The following XKR4 variants were observed in gnomAD, a reference collection of about 807,000 sequenced individuals.
The protein encoded by XKR4 is XK related 4, also known as XK-related protein 4.
A neutral mutation model predicts 53.9 loss-of-function variants in XKR4; 12 were observed. The ratio of observed to expected loss-of-function variants is 0.22; its 90% CI spans 0.14 to 0.36. XKR4 has a LOEUF of 0.36. Among genes scored for constraint, XKR4 ranks in the 10% least tolerant of loss-of-function variants. XKR4 has a pLI of 1.00. For missense variants in XKR4, 799 were observed against 859.5 expected, an observed-to-expected ratio of 0.93 and a Z score of 0.88; for synonymous variants, 354 against 362.4, an observed-to-expected ratio of 0.98 and a Z score of 0.26.
intron 1 of XKR4, among the ~76,000 whole-genome samples, chr8:55,297,500 T>C (rs1819117940): frequency 6.6e-6 from 1 of 152,162 alleles, no homozygotes; most frequent in Non-Finnish European, 1.5e-5. Context: ...TTTAGGATTT[T>C]TGAGATTTGG....
At chr8:55,473,194 G>T (rs1805915903) in intron 2 of XKR4, among the ~76,000 whole-genome samples, 2 of 151,962 alleles carry the variant, frequency 1.3e-5, no homozygotes, top group African/African-American at 4.8e-5. Context: ...GACCTTCTCT[G>T]CAAAAAATAC....
At chr8:55,454,401 A>G (rs1005312356) in intron 2 of XKR4, 3 of 1,383,372 alleles carry the variant, frequency 2.2e-6, no homozygotes, top group Non-Finnish European at 3.1e-6. Context: ...GGAAACAGCA[A>G]TGCCAGGAGG....
chr8:55,127,788 T>A (rs766394405), intron 1 of XKR4, among the ~76,000 whole-genome samples: 4 of 140,408 alleles, frequency 2.8e-5, no homozygotes, highest in Admixed American at 7.3e-5. Flanking sequence ...TGTCCATGTG[T>A]TCTCATTGTT....
At chr8:55,376,978 A>C (rs1291086180) in intron 2 of XKR4, among the ~76,000 whole-genome samples, 1 of 150,240 alleles carries the variant, frequency 6.7e-6, no homozygotes, top group Non-Finnish European at 1.5e-5. Context: ...ACACACACAG[A>C]GAGAGAGAGA....
Position 55,322,634 on chromosome 8 carries a change from C to T in XKR4, c.807-35044C>T, listed in dbSNP as rs79596297. 5.8e-3 allele frequency among the ~76,000 whole-genome samples: 891 copies of T among 152,320 alleles called. 11 individuals are homozygous for T. The highest frequency in any genetic ancestry group is 0.02 in the African/African-American group (847 of 41,568). ...TCTCTTGCTCTATAATCTTACCAAA[C>T]ATGATATGGCCAGATATTTGTTTAA... On this transcript the variant is annotated intron_variant, in intron 1 of 2. Transcript: ENST00000327381.
In XKR4 at chr8:55,299,713, G is replaced by A. The variant is rs1819155332; in HGVS notation, c.807-57965G>A. Among the ~76,000 whole-genome samples the A allele has an allele frequency of 2.0e-5, 3 of 152,136 alleles. No homozygotes were observed. The South Asian group carries it at 6.2e-4, about 32-fold the overall frequency. The stretch of plus-strand genomic sequence containing the variant: ...ACAGAGTGAAGAACAGGAAGGGCCA[G>A]GGTGACAGCTGGAATTCTGTTGTGT... On this transcript the variant is annotated intron_variant, in intron 1 of 2. Coordinates refer to ENST00000327381, the MANE Select transcript of XKR4 (RefSeq NM_052898.2).
intron 1 of XKR4, among the ~76,000 whole-genome samples, chr8:55,311,316 C>T (rs565522555): frequency 9.2e-5 from 14 of 152,276 alleles, no homozygotes; most frequent in Admixed American, 5.2e-4. Context: ...AGGAGAGGGC[C>T]TCAGTTCAGC....
At chr8:55,241,058 T>C (rs1438817740) in intron 1 of XKR4, among the ~76,000 whole-genome samples, 2 of 152,232 alleles carry the variant, frequency 1.3e-5, no homozygotes, top group African/African-American at 2.4e-5. Context: ...CTTCAAACTT[T>C]CTGTGCTCAC....
At chr8:55,449,155 GATTT>G (rs6150588) in intron 2 of XKR4, among the ~76,000 whole-genome samples, 11 of 150,050 alleles carry the variant, frequency 7.3e-5, no homozygotes, top group South Asian at 2.1e-4. Flanking sequence ...ATTTATTCTA[GATTT>G]ATTTATTTAT....
chr8:55,102,337 G>A lies in XKR4; in HGVS notation c.-152G>A. ...CCAGCCCGGCGGGCGGCGGGCGGCG[G>A]CGGACGGCAGGCGAGCCGACGCAGG... On this transcript the variant is annotated 5_prime_UTR_variant, in exon 1 of 3. Transcript: ENST00000327381. The surrounding 1 kb of genome is among the most constrained non-coding windows in gnomAD (Gnocchi z 5.1). The A allele has an allele frequency of 9.6e-7, 1 of 1,042,036 alleles. No individual in the cohort carries two copies. The highest frequency in any genetic ancestry group is 1.2e-6 in the Non-Finnish European group (1 of 850,028). The allele number at this position is 1,042,036 out of a possible 1,614,324, so 64.5% of individuals were successfully genotyped here.
At chr8:55,227,475 C>T (rs1204049759) in intron 1 of XKR4, among the ~76,000 whole-genome samples, 2 of 152,232 alleles carry the variant, frequency 1.3e-5, no homozygotes, top group South Asian at 4.1e-4. Flanking sequence ...GGAGGAGGTG[C>T]TCATCCAGCC....
At chr8:55,221,640 T>C (rs993614189) in intron 1 of XKR4, among the ~76,000 whole-genome samples, 21 of 152,108 alleles carry the variant, frequency 1.4e-4, no homozygotes, top group African/African-American at 5.1e-4. Context: ...GCTCAGGAAG[T>C]TCCCTCTCCC....
intron 2 of XKR4, among the ~76,000 whole-genome samples, chr8:55,377,920 C>G (rs553765765): frequency 2.6e-5 from 4 of 152,338 alleles, no homozygotes; most frequent in African/African-American, 9.6e-5. Flanking sequence ...CCTCTCCTAA[C>G]ACTCATAAAG....
intron 1 of XKR4, among the ~76,000 whole-genome samples, chr8:55,125,418 G>C (rs1218738976): frequency 6.6e-6 from 1 of 152,148 alleles, no homozygotes; most frequent in African/African-American, 2.4e-5. Flanking sequence ...ATTTTTAGTA[G>C]AGATGGGGTT....
intron 1 of XKR4, among the ~76,000 whole-genome samples, chr8:55,186,347 A>G (rs955565528): frequency 1.3e-5 from 2 of 152,198 alleles, no homozygotes; most frequent in Non-Finnish European, 2.9e-5. Flanking sequence ...TTTGAAAACA[A>G]TATTTGCCTT....
intron 2 of XKR4, among the ~76,000 whole-genome samples, chr8:55,505,808 A>G (rs1806518391): frequency 6.6e-6 from 1 of 152,192 alleles, no homozygotes; most frequent in South Asian, 2.1e-4. Context: ...CTATTTCCTT[A>G]TTAATCTTCT....
At chr8:55,354,754 A>G (rs1057391761) in intron 1 of XKR4, among the ~76,000 whole-genome samples, 1 of 152,112 alleles carries the variant, frequency 6.6e-6, no homozygotes, top group African/African-American at 2.4e-5. Context: ...ATCATAAGCA[A>G]ATACCTCTAA....
chr8:55,449,275 G>C (rs1455536213), intron 2 of XKR4, among the ~76,000 whole-genome samples: 1 of 152,138 alleles, frequency 6.6e-6, no homozygotes, highest in Admixed American at 6.5e-5. Context: ...GGCCCATTGC[G>C]GGCTGTACTT....
At chr8:55,266,311 T>C (rs1323982575) in intron 1 of XKR4, among the ~76,000 whole-genome samples, 1 of 151,896 alleles carries the variant, frequency 6.6e-6, no homozygotes, top group Non-Finnish European at 1.5e-5. Flanking sequence ...CATGGCTGCG[T>C]CCTCCAGTTG....
Sources: allele counts gnomAD v4.1 joint callset (sites outside exome capture counted in the v4.1 genomes callset), GRCh38; gene constraint gnomAD v4.1.1; non-coding constraint Gnocchi (gnomAD v3.1); transcripts MANE v1.5; gene names NCBI Gene and HGNC (gene_info 2026-07-23, HGNC 2026-07-21).